Variants in PPP1R12A observed in about 807,000 individuals in gnomAD.
PPP1R12A encodes the protein myosin binding subunit.
Under a neutral mutation model 139.6 loss-of-function variants are expected in PPP1R12A, and 19 were observed. The observed-to-expected ratio is 0.14, with a 90% CI of 0.09 to 0.20. The LOEUF (loss-of-function observed/expected upper bound fraction) is 0.20. Ranked by LOEUF, PPP1R12A falls within the 10% of genes least tolerant of loss-of-function variation. The pLI is 1.00. For missense variants in PPP1R12A, 925 were observed against 1,211.5 expected (o/e 0.76, Z 3.51); for synonymous variants, 427 against 420.6 (o/e 1.02, Z -0.19).
chr12:79,911,522 A>G (rs147750135), intron 1 of PPP1R12A, among the ~76,000 whole-genome samples: 79 of 152,290 alleles, frequency 5.2e-4, no homozygotes, highest in African/African-American at 1.8e-3. Context: ...TGACAAAATA[A>G]TCTGTACACC....
intron 6 of PPP1R12A, among the ~76,000 whole-genome samples, chr12:79,821,468 T>G (rs1429074646): frequency 6.6e-6 from 1 of 152,116 alleles, no homozygotes; most frequent in Non-Finnish European, 1.5e-5. Context: ...AAGAACTGTT[T>G]CTGGCTGGGC....
chr12:79,934,677 G>A lies in PPP1R12A; in HGVS notation c.237+18C>T. 1.3e-6 allele frequency: 2 copies of A among 1,508,548 alleles called. No individual in the cohort carries two copies. Among genetic ancestry groups the A allele is most frequent in the South Asian group, 1.2e-5 (1 of 80,870 alleles). 93.4% of individuals were successfully genotyped at this position (1,508,548 alleles called of 1,614,324 possible). Reference sequence around the variant, plus strand: ...AGAACCCTCACGGTCAGGAGAGCCGGCGGCGGGGCGCACAGACCTGGTGCA... The same window carrying A: ...AGAACCCTCACGGTCAGGAGAGCCGACGGCGGGGCGCACAGACCTGGTGCA... On this transcript the variant is annotated intron_variant, in intron 1 of 24. Coordinates refer to ENST00000450142, the MANE Select transcript of PPP1R12A (RefSeq NM_002480.3).
chr12:79,926,932 C>T (rs975695519), intron 1 of PPP1R12A, among the ~76,000 whole-genome samples: 2 of 152,104 alleles, frequency 1.3e-5, no homozygotes, highest in Non-Finnish European at 2.9e-5. Context: ...TGCAGTGGCT[C>T]ACGCCTGTAA....
chr12:79,793,784 T>A (rs1281512838), intron 19 of PPP1R12A, 79 bp downstream of exon 19: 30 of 1,130,796 alleles, frequency 2.7e-5, no homozygotes, highest in Middle Eastern at 4.9e-4. Flanking sequence ...TTTGCATGAA[T>A]AAACATAATA....
intron 2 of PPP1R12A, among the ~76,000 whole-genome samples, chr12:79,855,134 G>A (rs1390879202): frequency 2.0e-5 from 3 of 151,846 alleles, no homozygotes; most frequent in Non-Finnish European, 2.9e-5. Context: ...GACTACAGGC[G>A]CCTGCCACCA....
chr12:79,781,081 C>T (rs896418045), intron 23 of PPP1R12A, among the ~76,000 whole-genome samples: 1 of 152,176 alleles, frequency 6.6e-6, no homozygotes, highest in Admixed American at 6.5e-5. Flanking sequence ...CTAGCTACTG[C>T]TCAGCTACAC....
intron 3 of PPP1R12A, among the ~76,000 whole-genome samples, chr12:79,841,155 C>T (rs1443025797): frequency 6.6e-6 from 1 of 151,998 alleles, no homozygotes; most frequent in Non-Finnish European, 1.5e-5. Flanking sequence ...CCTTGTACTC[C>T]TGGCGTCAAG....
intron 1 of PPP1R12A, among the ~76,000 whole-genome samples, chr12:79,881,117 T>C (rs1027606384): frequency 7.9e-5 from 12 of 152,098 alleles, no homozygotes; most frequent in Admixed American, 2.0e-4. Context: ...CCTATTCCCT[T>C]AGAAATAACA....
intron 1 of PPP1R12A, among the ~76,000 whole-genome samples, chr12:79,873,690 C>A (rs1194987668): frequency 2.0e-5 from 3 of 151,912 alleles, no homozygotes; most frequent in African/African-American, 7.3e-5. Context: ...TAGGGGGCAG[C>A]AATTTTCACT....
chr12:79,927,484 T>C (rs1344084686), intron 1 of PPP1R12A, among the ~76,000 whole-genome samples: 1 of 152,140 alleles, frequency 6.6e-6, no homozygotes, highest in African/African-American at 2.4e-5. Flanking sequence ...AAAACAAATG[T>C]GGATGAAGAA....
intron 1 of PPP1R12A, among the ~76,000 whole-genome samples, chr12:79,894,647 G>A (rs1374893810): frequency 6.6e-6 from 1 of 151,992 alleles, no homozygotes; most frequent in East Asian, 1.9e-4. Flanking sequence ...CGTTGATATT[G>A]CCTTAAAAAA....
rs955306064 is a variant in PPP1R12A, at chr12:79,799,466, A to G, written c.2001-882T>C. On this transcript the variant is annotated intron_variant, in intron 14 of 24. Transcript: ENST00000450142. ...CGCCCGGTCTCCCTGCATTCTTGTC[A>G]GTGTGCTCTTACTAATGACACGTCA... Among the ~76,000 whole-genome samples the G allele has an allele frequency of 2.6e-5, 4 of 152,264 alleles. No homozygotes were observed. The South Asian group carries it at 6.2e-4, about 24-fold the overall frequency.
intron 1 of PPP1R12A, among the ~76,000 whole-genome samples, chr12:79,897,515 T>C (rs908378849): frequency 1.3e-5 from 2 of 151,484 alleles, no homozygotes; most frequent in Non-Finnish European, 2.9e-5. Flanking sequence ...ACCCTCTAAA[T>C]CTAAAATAAA....
intron 1 of PPP1R12A, among the ~76,000 whole-genome samples, chr12:79,913,379 T>A (rs1450430106): frequency 6.6e-6 from 1 of 152,256 alleles, no homozygotes; most frequent in Non-Finnish European, 1.5e-5. Context: ...GTGTATGGTA[T>A]AAGGTACGGG....
intron 19 of PPP1R12A, among the ~76,000 whole-genome samples, chr12:79,792,605 G>C (rs3789991): frequency 0.023 from 3,560 of 152,002 alleles, 216 homozygotes; most frequent in East Asian, 0.23. Flanking sequence ...TCATCTTAAC[G>C]TATCTCATAT....
At chr12:79,804,130 G>A (rs1473139592) in intron 14 of PPP1R12A, among the ~76,000 whole-genome samples, 1 of 152,146 alleles carries the variant, frequency 6.6e-6, no homozygotes, top group Non-Finnish European at 1.5e-5. Context: ...GGCAGAGTAA[G>A]GAGTAAGAAA....
intron 3 of PPP1R12A, among the ~76,000 whole-genome samples, chr12:79,834,294 G>A (rs1297159001): frequency 6.6e-6 from 1 of 152,230 alleles, no homozygotes; most frequent in Non-Finnish European, 1.5e-5. Context: ...AGTAGGCTCT[G>A]AAGTGGGAGC....
intron 1 of PPP1R12A, among the ~76,000 whole-genome samples, chr12:79,895,818 T>C (rs1885077453): frequency 6.6e-6 from 1 of 152,180 alleles, no homozygotes; most frequent in Non-Finnish European, 1.5e-5. Context: ...AAATGAATCA[T>C]GACTAATACC....
chr12:79,927,674 C>T (rs1248942472), intron 1 of PPP1R12A, among the ~76,000 whole-genome samples: 1 of 152,154 alleles, frequency 6.6e-6, no homozygotes. Flanking sequence ...ATAAGAATTC[C>T]AGCTCTGCCA....
Sources: allele counts gnomAD v4.1 joint callset (sites outside exome capture counted in the v4.1 genomes callset), GRCh38; gene constraint gnomAD v4.1.1; transcripts MANE v1.5; gene names NCBI Gene and HGNC (gene_info 2026-07-23, HGNC 2026-07-21).